The following SRRM4 variants were observed in gnomAD, a reference collection of about 807,000 sequenced individuals.
The protein encoded by SRRM4 is serine/arginine repetitive matrix 4.
SRRM4 carries 33 observed loss-of-function variants against 68.9 expected under a neutral mutation model. The ratio of observed to expected loss-of-function variants is 0.48; its 90% CI spans 0.36 to 0.64. The LOEUF (loss-of-function observed/expected upper bound fraction) is 0.64. Ranked by LOEUF, SRRM4 falls within the 30% of genes least tolerant of loss-of-function variation. The probability of loss-of-function intolerance (pLI) is 0.00; values close to 1 mark genes in which losing one functional copy is unlikely to be tolerated. For synonymous variants in SRRM4, 318 were observed against 318.8 expected (o/e 1.00, Z 0.03); for missense variants, 817 against 827.1 (o/e 0.99, Z 0.15).
chr12:118,997,635 A>T (rs1953357336), intron 1 of SRRM4, among the ~76,000 whole-genome samples: 1 of 152,206 alleles, frequency 6.6e-6, no homozygotes, highest in South Asian at 2.1e-4. Context: ...TTCTGTTTTC[A>T]GCCTGACACA....
At chr12:119,031,711 T>G (rs533943728) in intron 1 of SRRM4, among the ~76,000 whole-genome samples, 2 of 152,304 alleles carry the variant, frequency 1.3e-5, no homozygotes, top group South Asian at 4.1e-4. Context: ...AGGAAAACCA[T>G]GATATCCTGT....
intron 1 of SRRM4, among the ~76,000 whole-genome samples, chr12:119,049,943 C>T (rs1953731982): frequency 6.6e-6 from 1 of 152,164 alleles, no homozygotes; most frequent in African/African-American, 2.4e-5. Context: ...TTAAAAGGTC[C>T]TATTTTCAAA....
At chr12:119,060,712 G>A (rs939571347) in intron 1 of SRRM4, among the ~76,000 whole-genome samples, 2 of 151,954 alleles carry the variant, frequency 1.3e-5, no homozygotes, top group African/African-American at 4.8e-5. Context: ...CTTTAGCCCT[G>A]GAGAATTTCT....
chr12:119,050,670 C>T (rs1953736891), intron 1 of SRRM4, among the ~76,000 whole-genome samples: 1 of 152,106 alleles, frequency 6.6e-6, no homozygotes, highest in African/African-American at 2.4e-5. Flanking sequence ...GCCATGTCTG[C>T]CATTTTCCAC....
intron 1 of SRRM4, among the ~76,000 whole-genome samples, chr12:119,021,865 T>A (rs778279894): frequency 3.9e-5 from 6 of 152,238 alleles, no homozygotes; most frequent in Non-Finnish European, 8.8e-5. Context: ...GTCTTTGCTA[T>A]TGTAAATAGT....
intron 1 of SRRM4, among the ~76,000 whole-genome samples, chr12:119,071,403 G>C (rs138564939): frequency 6.6e-6 from 1 of 152,300 alleles, no homozygotes; most frequent in East Asian, 1.9e-4. Context: ...CAATAATGCG[G>C]TTGTGAGAAT....
intron 1 of SRRM4, among the ~76,000 whole-genome samples, chr12:118,994,790 T>C (rs751086557): frequency 1.3e-5 from 2 of 152,238 alleles, no homozygotes; most frequent in Non-Finnish European, 1.5e-5. Flanking sequence ...ATTCCTGGTA[T>C]GACTGAGTAT....
chr12:119,010,648 A>G (rs184793701), intron 1 of SRRM4, among the ~76,000 whole-genome samples: 47 of 152,322 alleles, frequency 3.1e-4, no homozygotes, highest in Admixed American at 9.1e-4. Context: ...TTCAGCATTT[A>G]TCAAAAATTT....
intron 7 of SRRM4, among the ~76,000 whole-genome samples, chr12:119,126,747 G>A (rs144754388): frequency 0.015 from 2,219 of 152,038 alleles, 26 homozygotes; most frequent in Non-Finnish European, 0.026. Context: ...CTGCTATAAA[G>A]ACACATGCAC....
At position 119,102,363 on chromosome 12, in the gene SRRM4, G is replaced by A. The variant is rs1214957461; in HGVS notation, c.259G>A (p.Gly87Ser). 5.0e-6 allele frequency: 8 copies of A among 1,612,486 alleles called. No homozygotes were observed. Among genetic ancestry groups the A allele is most frequent in the Non-Finnish European group, 6.8e-6 (8 of 1,179,308 alleles). ...WERDKTCREL[G>S]ATRGHSASHD... Reference sequence around the variant, plus strand: ...GAGAGACAAGACCTGTCGGGAACTGGGTGCCACCAGAGGACACAGGTGAGA... The same window carrying A: ...GAGAGACAAGACCTGTCGGGAACTGAGTGCCACCAGAGGACACAGGTGAGA... Residue 87 changes from glycine (G) to serine (S), a missense_variant, in exon 2 of 13, where the codon GGT (glycine) becomes AGT (serine). By Grantham distance (56) the Gly-to-Ser change is moderately conservative. Transcript: ENST00000267260.
chr12:119,161,368 GC>G lies in SRRM4; in HGVS notation c.*4571del, dbSNP rs1010133107. ...GCTAGATTCAATGTCATTGAGCAAT[GC>G]TTTATTGAAGTCTCGTTCTTCTCAC... On this transcript the variant is annotated 3_prime_UTR_variant, in exon 13 of 13. Coordinates refer to ENST00000267260, the MANE Select transcript of SRRM4 (RefSeq NM_194286.4). The G allele has an allele frequency of 4.1e-4, 62 of 152,312 alleles. No individual in the cohort carries two copies. Among genetic ancestry groups the G allele is most frequent in the Admixed American group, 3.9e-3 (60 of 15,306 alleles). 9.4% of individuals were successfully genotyped at this position (152,312 alleles called of 1,614,324 possible).
chr12:119,016,609 C>T (rs1413462180), intron 1 of SRRM4, among the ~76,000 whole-genome samples: 1 of 152,180 alleles, frequency 6.6e-6, no homozygotes, highest in Non-Finnish European at 1.5e-5. Context: ...GTTCAACACT[C>T]GTTACCCTGG....
chr12:119,077,706 T>C (rs1003323624), intron 1 of SRRM4, among the ~76,000 whole-genome samples: 9 of 152,182 alleles, frequency 5.9e-5, no homozygotes, highest in Admixed American at 5.9e-4. Flanking sequence ...GGGTTATGTA[T>C]TAAGTGAGAA....
chr12:119,057,845 G>A (rs1010562209), intron 1 of SRRM4, among the ~76,000 whole-genome samples: 2 of 152,116 alleles, frequency 1.3e-5, no homozygotes, highest in African/African-American at 2.4e-5. Context: ...CTCTGCAACC[G>A]TGTCAACATC....
chr12:119,014,889 C>G (rs1289867829), intron 1 of SRRM4, among the ~76,000 whole-genome samples: 1 of 152,264 alleles, frequency 6.6e-6, no homozygotes, highest in East Asian at 1.9e-4. Flanking sequence ...TTGGAGAAAC[C>G]CTCACATGTG....
chr12:119,069,208 G>A (rs1005015405), intron 1 of SRRM4, among the ~76,000 whole-genome samples: 3 of 152,324 alleles, frequency 2.0e-5, no homozygotes, highest in South Asian at 4.1e-4. Flanking sequence ...GAGTGGTTTA[G>A]CATGTTACCG....
intron 8 of SRRM4, among the ~76,000 whole-genome samples, chr12:119,138,072 T>C (rs981535041): frequency 6.6e-6 from 1 of 152,036 alleles, no homozygotes; most frequent in African/African-American, 2.4e-5. Context: ...AATGATCTCG[T>C]GGGGTTTGGG....
intron 1 of SRRM4, among the ~76,000 whole-genome samples, chr12:119,083,401 T>A (rs1184506671): frequency 6.6e-6 from 1 of 152,128 alleles, no homozygotes; most frequent in African/African-American, 2.4e-5. Flanking sequence ...CAAGAATTAC[T>A]GTCTCTTTGG....
intron 2 of SRRM4, among the ~76,000 whole-genome samples, chr12:119,111,629 G>A (rs1022324900): frequency 5.9e-5 from 9 of 152,120 alleles, no homozygotes; most frequent in Admixed American, 4.6e-4. Context: ...GCACTGGGAA[G>A]TGTTTCTATG....
Sources: allele counts gnomAD v4.1 joint callset (sites outside exome capture counted in the v4.1 genomes callset), GRCh38; gene constraint gnomAD v4.1.1; transcripts MANE v1.5; gene names NCBI Gene and HGNC (gene_info 2026-07-23, HGNC 2026-07-21).